Variants in CHPT1 observed in about 807,000 individuals in gnomAD.
CHPT1 encodes cholinephosphotransferase 1.
Under a neutral mutation model 47.6 loss-of-function variants are expected in CHPT1, and 36 were observed. That is an observed-to-expected ratio of 0.76 (90% CI 0.58 to 1.00). The LOEUF (loss-of-function observed/expected upper bound fraction) is 1.00, where lower values mean the gene tolerates loss of function less well. Among genes scored for constraint, CHPT1 ranks in the 50% least tolerant of loss-of-function variants. The probability of loss-of-function intolerance (pLI) is 0.00; values close to 1 mark genes in which losing one functional copy is unlikely to be tolerated. For synonymous variants in CHPT1, 194 were observed against 186.3 expected (o/e 1.04, Z -0.33); for missense variants, 458 against 498.1 (o/e 0.92, Z 0.77).
chr12:101,698,723 T>G (rs1951503319), intron 1 of CHPT1, among the ~76,000 whole-genome samples: 1 of 152,202 alleles, frequency 6.6e-6, no homozygotes, highest in Admixed American at 6.5e-5. Flanking sequence ...GCAATAATTT[T>G]TTTGTCATCA....
At chr12:101,725,268 T>C (rs563397649) in intron 7 of CHPT1, among the ~76,000 whole-genome samples, 1 of 152,060 alleles carries the variant, frequency 6.6e-6, no homozygotes, top group Non-Finnish European at 1.5e-5. Context: ...TGAGATATAC[T>C]TAATTCTTTG....
chr12:101,727,756 A>C (rs1305935001), intron 8 of CHPT1: 1 of 152,202 alleles, frequency 6.6e-6, no homozygotes, highest in Non-Finnish European at 1.5e-5. Flanking sequence ...TTAAAAGGAA[A>C]ATCCTTTACA....
At chr12:101,712,161 AC>A (rs1315768998) in intron 1 of CHPT1, among the ~76,000 whole-genome samples, 1 of 148,232 alleles carries the variant, frequency 6.7e-6, no homozygotes, top group African/African-American at 2.4e-5. Flanking sequence ...AGCTGGGACT[AC>A]AAGTGTACAC....
At chr12:101,723,419 T>C (rs1226606181) in intron 6 of CHPT1, 93 bp downstream of exon 6, 1 of 812,722 alleles carries the variant, frequency 1.2e-6, no homozygotes, top group African/African-American at 1.7e-5. Context: ...AGGTTTTCTT[T>C]TGTAGTGTAA....
chr12:101,697,944 G>T lies in CHPT1; in HGVS notation c.83G>T (p.Arg28Leu), dbSNP rs1483032283. ...SEPLSAAQLR[R>L]LEEHRYSAAG... The stretch of plus-strand genomic sequence containing the variant: ...CCGCTGAGCGCGGCGCAGCTGCGGC[G>T]ACTGGAGGAGCACCGCTACAGCGCG... The change falls in exon 1 of 9, where the codon CGA becomes CTA. Residue 28 changes from arginine (R) to leucine (L), a missense_variant. By Grantham distance (102) the Arg-to-Leu change is moderately radical. Coordinates refer to ENST00000229266, the MANE Select transcript of CHPT1 (RefSeq NM_020244.3). 1 of 1,528,690 alleles carries T rather than the reference G, an allele frequency of 6.5e-7. No homozygotes were observed. The highest frequency in any genetic ancestry group is 2.7e-5 in the East Asian group (1 of 37,198). 94.7% of individuals were successfully genotyped at this position (1,528,690 alleles called of 1,614,324 possible). A position where few individuals can be genotyped will look rare whatever the true frequency, so the allele number is the denominator to read the frequency against.
rs1006475306 is a variant in CHPT1 at position 101,723,913 on chromosome 12, A to T, written c.1065+66A>T. On this transcript the variant is annotated intron_variant, in intron 7 of 8. Coordinates refer to ENST00000229266, the MANE Select transcript of CHPT1 (RefSeq NM_020244.3). ...TTAAGAGCTATTTCAGTGAGCTATCAGTAGCCTCAAGATCTAGTCTAGGCC... is the reference window on the plus strand; with the variant it reads ...TTAAGAGCTATTTCAGTGAGCTATCTGTAGCCTCAAGATCTAGTCTAGGCC... The T allele has an allele frequency of 2.5e-6, 3 of 1,205,628 alleles. No individual in the cohort carries two copies. In the Admixed American group the frequency reaches 6.1e-5, roughly 25 times the overall value. 74.7% of individuals were successfully genotyped at this position (1,205,628 alleles called of 1,614,324 possible). A position where few individuals can be genotyped will look rare whatever the true frequency, so the allele number is the denominator to read the frequency against.
At chr12:101,721,236 T>G (rs1179851408) in intron 5 of CHPT1, among the ~76,000 whole-genome samples, 5 of 151,966 alleles carry the variant, frequency 3.3e-5, no homozygotes, top group Non-Finnish European at 7.4e-5. Context: ...TGCAGTAAGC[T>G]GAGACGGTGC....
chr12:101,721,003 C>T (rs542024346), intron 5 of CHPT1, among the ~76,000 whole-genome samples: 8 of 152,124 alleles, frequency 5.3e-5, no homozygotes, highest in South Asian at 4.2e-4. Context: ...TTTTCAGGGC[C>T]GGGCACAGTG....
At chr12:101,710,349 A>G (rs1951688674) in intron 1 of CHPT1, among the ~76,000 whole-genome samples, 1 of 149,106 alleles carries the variant, frequency 6.7e-6, no homozygotes, top group Non-Finnish European at 1.5e-5. Context: ...TGTCTCAAGA[A>G]CAAAAAAAGG....
At chr12:101,713,275 T>A (rs1951718983) in intron 1 of CHPT1, among the ~76,000 whole-genome samples, 1 of 123,644 alleles carries the variant, frequency 8.1e-6, no homozygotes, top group Non-Finnish European at 1.9e-5. Flanking sequence ...AGTGCTTCTC[T>A]CCCTGGCCTT....
chr12:101,713,600 C>T lies in CHPT1; in HGVS notation c.274-490C>T, dbSNP rs141496798. 2.3e-3 allele frequency among the ~76,000 whole-genome samples: 347 copies of T among 152,156 alleles called. 5 individuals are homozygous for T. The highest frequency in any genetic ancestry group is 0.02 in the East Asian group (104 of 5,186). On this transcript the variant is annotated intron_variant, in intron 1 of 8. Coordinates refer to ENST00000229266, the MANE Select transcript of CHPT1 (RefSeq NM_020244.3). Reference sequence around the variant, plus strand: ...TGTGAGGGATCACAAGCCTGCACTGCCTGTAATGTTTGAAAACTGTTTTTT... The same window carrying T: ...TGTGAGGGATCACAAGCCTGCACTGTCTGTAATGTTTGAAAACTGTTTTTT...
intron 8 of CHPT1, chr12:101,728,201 G>GAT (rs1952016324): frequency 1.3e-5 from 2 of 152,412 alleles, no homozygotes; most frequent in African/African-American, 4.8e-5. Flanking sequence ...AGTGAGCTGA[G>GAT]ATTACTCCAC....
At chr12:101,703,253 C>G (rs557140023) in intron 1 of CHPT1, among the ~76,000 whole-genome samples, 3 of 152,176 alleles carry the variant, frequency 2.0e-5, no homozygotes, top group Non-Finnish European at 2.9e-5. Flanking sequence ...GGGGAATTCT[C>G]TTCACACCCC....
At chr12:101,703,027 T>G (rs1176573657) in intron 1 of CHPT1, among the ~76,000 whole-genome samples, 1 of 152,220 alleles carries the variant, frequency 6.6e-6, no homozygotes, top group East Asian at 1.9e-4. Context: ...TTCACTATAC[T>G]TAATTCCTAA....
intron 4 of CHPT1, among the ~76,000 whole-genome samples, chr12:101,717,848 A>G (rs1419712569): frequency 1.3e-5 from 2 of 152,206 alleles, no homozygotes; most frequent in Non-Finnish European, 2.9e-5. Context: ...AGCTTTATTC[A>G]TAATTGCCAA....
At chr12:101,728,662 CT>C (rs1952038682) in intron 8 of CHPT1, 3 of 429,158 alleles carry the variant, frequency 7.0e-6, no homozygotes, top group South Asian at 7.6e-5. Context: ...ATTAAATCGT[CT>C]TTATTTAATT....
chr12:101,698,396 G>C (rs1198537419), intron 1 of CHPT1, among the ~76,000 whole-genome samples: 1 of 152,232 alleles, frequency 6.6e-6, no homozygotes, highest in African/African-American at 2.4e-5. Context: ...TGTCCGCGCA[G>C]ATCCTCCCCA....
At chr12:101,723,088 A>C in intron 5 of CHPT1, 80 bp from the exon 6 acceptor site, 1 of 1,339,320 alleles carries the variant, frequency 7.5e-7, no homozygotes, top group African/African-American at 1.4e-5. Context: ...CTCTTGCACA[A>C]AATAGATGGT....
At chr12:101,706,719 A>G (rs957585140) in intron 1 of CHPT1, among the ~76,000 whole-genome samples, 2 of 152,224 alleles carry the variant, frequency 1.3e-5, no homozygotes, top group African/African-American at 2.4e-5. Flanking sequence ...AGAAAATGGA[A>G]TTACACAACT....
Sources: gnomAD v4.1 joint callset for allele counts (sites outside exome capture counted in the v4.1 genomes callset) on GRCh38, gnomAD v4.1.1 for gene constraint, MANE v1.5 for transcripts, NCBI Gene and HGNC (gene_info 2026-07-23, HGNC 2026-07-21) for gene names.